CTNNBL1: variants seen among roughly 807,000 people sequenced by gnomAD.
The protein encoded by CTNNBL1 is beta-catenin-like protein 1.
Under a neutral mutation model 72.7 loss-of-function variants are expected in CTNNBL1, and 31 were observed. The observed-to-expected ratio is 0.43, with a 90% CI of 0.32 to 0.58. The LOEUF (loss-of-function observed/expected upper bound fraction) is 0.58, where lower values mean the gene tolerates loss of function less well. Among genes scored for constraint, CTNNBL1 ranks in the 20% least tolerant of loss-of-function variants. The probability of loss-of-function intolerance (pLI) is 0.08; values close to 1 mark genes in which losing one functional copy is unlikely to be tolerated. For missense variants in CTNNBL1, 534 were observed against 725.1 expected (o/e 0.74, Z 3.03); for synonymous variants, 240 against 267.3 (o/e 0.90, Z 1.00).
At chr20:37,698,784 C>T (rs541315527) in intron 1 of CTNNBL1, among the ~76,000 whole-genome samples, 1 of 152,096 alleles carries the variant, frequency 6.6e-6, no homozygotes, top group Non-Finnish European at 1.5e-5. Flanking sequence ...GGTTGTTCAC[C>T]CCTGTAATCC....
intron 5 of CTNNBL1, among the ~76,000 whole-genome samples, chr20:37,760,221 C>T (rs953904343): frequency 6.6e-6 from 1 of 152,144 alleles, no homozygotes; most frequent in African/African-American, 2.4e-5. Context: ...GATGGCAATT[C>T]TCTGGCTTAC....
intron 11 of CTNNBL1, among the ~76,000 whole-genome samples, chr20:37,834,731 T>G (rs1461658957): frequency 6.6e-6 from 1 of 152,178 alleles, no homozygotes; most frequent in Non-Finnish European, 1.5e-5. Context: ...GCACATGACC[T>G]TAAGTCCGTT....
chr20:37,787,209 A>G (rs1021443220), intron 10 of CTNNBL1, among the ~76,000 whole-genome samples: 1 of 151,334 alleles, frequency 6.6e-6, no homozygotes, highest in African/African-American at 2.4e-5. Flanking sequence ...ATCACAGTGC[A>G]CTGCAGCGTT....
intron 10 of CTNNBL1, among the ~76,000 whole-genome samples, chr20:37,785,284 TG>T (rs2073662587): frequency 6.6e-6 from 1 of 152,214 alleles, no homozygotes; most frequent in African/African-American, 2.4e-5. Context: ...TGTAACCTTT[TG>T]TTCTTGCATA....
chr20:37,809,597 G>C (rs1399301477), intron 11 of CTNNBL1, among the ~76,000 whole-genome samples: 1 of 152,210 alleles, frequency 6.6e-6, no homozygotes, highest in East Asian at 1.9e-4. Context: ...ATTTCACAAA[G>C]TCATTGCCAT....
At chr20:37,715,998 A>AT (rs11370851) in intron 1 of CTNNBL1, among the ~76,000 whole-genome samples, 46,330 of 149,244 alleles carry the variant, frequency 0.31, 7,123 homozygotes, top group Admixed American at 0.33. Flanking sequence ...GTTTTTGGGT[A>AT]TTTTTTTTTT....
intron 4 of CTNNBL1, chr20:37,750,159 C>T (rs1025039009): frequency 1.3e-5 from 2 of 152,184 alleles, no homozygotes; most frequent in Middle Eastern, 3.2e-3. Context: ...TCCTTTCAAC[C>T]GTGAGAAGCA....
chr20:37,811,699 A>C (rs2072013141), intron 11 of CTNNBL1, among the ~76,000 whole-genome samples: 2 of 152,248 alleles, frequency 1.3e-5, no homozygotes, highest in South Asian at 4.1e-4. Context: ...GCTGTTTGCC[A>C]TTGAAGAAGA....
intron 11 of CTNNBL1, among the ~76,000 whole-genome samples, chr20:37,811,886 G>A (rs2072014517): frequency 6.6e-6 from 1 of 152,216 alleles, no homozygotes; most frequent in Non-Finnish European, 1.5e-5. Context: ...CTTTTCACAG[G>A]TGAGTTTCAG....
intron 1 of CTNNBL1, among the ~76,000 whole-genome samples, chr20:37,727,080 G>A (rs939387272): frequency 6.6e-6 from 1 of 151,922 alleles, no homozygotes; most frequent in East Asian, 1.9e-4. Context: ...TCTTCCTATG[G>A]TACATTACTT....
chr20:37,770,763 G>A (rs750853117), intron 7 of CTNNBL1, among the ~76,000 whole-genome samples: 2 of 152,062 alleles, frequency 1.3e-5, no homozygotes, highest in Non-Finnish European at 2.9e-5. Flanking sequence ...AGGCTTTTAG[G>A]GATATTTAAA....
intron 12 of CTNNBL1, 67 bp downstream of exon 12, chr20:37,840,266 C>T: frequency 8.6e-7 from 1 of 1,166,968 alleles, no homozygotes; most frequent in East Asian, 2.4e-5. Flanking sequence ...CTGATGTGAT[C>T]TGAGGGATAC....
intron 7 of CTNNBL1, among the ~76,000 whole-genome samples, chr20:37,773,205 A>C (rs764881447): frequency 2.0e-5 from 3 of 152,192 alleles, no homozygotes; most frequent in South Asian, 2.1e-4. Context: ...CTCTATGACC[A>C]GAGGTTGGGA....
At chr20:37,830,627 T>C (rs769859488) in intron 11 of CTNNBL1, among the ~76,000 whole-genome samples, 3 of 152,172 alleles carry the variant, frequency 2.0e-5, no homozygotes, top group Non-Finnish European at 1.5e-5. Flanking sequence ...ATAGGACTCA[T>C]GCTCCTCAAC....
chr20:37,771,882 C>A (rs2073527520), intron 7 of CTNNBL1, among the ~76,000 whole-genome samples: 1 of 152,178 alleles, frequency 6.6e-6, no homozygotes, highest in African/African-American at 2.4e-5. Context: ...AGGATTAAGA[C>A]CCAAGCCTCC....
At chr20:37,834,519 A>G (rs963834821) in intron 11 of CTNNBL1, among the ~76,000 whole-genome samples, 2 of 152,142 alleles carry the variant, frequency 1.3e-5, no homozygotes, top group African/African-American at 2.4e-5. Context: ...TTTAATCCAC[A>G]TTTACATAGT....
chr20:37,696,692 C>T (rs1053161368), intron 1 of CTNNBL1, among the ~76,000 whole-genome samples: 10 of 151,830 alleles, frequency 6.6e-5, no homozygotes, highest in African/African-American at 2.4e-4. Flanking sequence ...ATCTGCCAGC[C>T]TTGGCCTCCC....
intron 6 of CTNNBL1, 148 bp downstream of exon 6, chr20:37,765,438 C>A (rs2073458464): frequency 3.4e-6 from 2 of 587,890 alleles, no homozygotes; most frequent in Non-Finnish European, 3.1e-6. Flanking sequence ...GAAATGAAGA[C>A]CTTTGTGTAA....
chr20:37,795,344 C>G (rs1241117563), intron 10 of CTNNBL1, among the ~76,000 whole-genome samples: 2 of 152,042 alleles, frequency 1.3e-5, no homozygotes, highest in African/African-American at 4.8e-5. Context: ...AGTAGAAATA[C>G]AGTTTTGCCA....
Sources: gnomAD v4.1 joint callset for allele counts (sites outside exome capture counted in the v4.1 genomes callset) on GRCh38, gnomAD v4.1.1 for gene constraint, MANE v1.5 for transcripts, NCBI Gene and HGNC (gene_info 2026-07-23, HGNC 2026-07-21) for gene names.